The following TMEM131 variants were observed in gnomAD, a reference collection of about 807,000 sequenced individuals.
TMEM131 encodes transmembrane protein 131.
A neutral mutation model predicts 211.6 loss-of-function variants in TMEM131; 66 were observed. The observed-to-expected ratio is 0.31, with a 90% CI of 0.26 to 0.38. The LOEUF (loss-of-function observed/expected upper bound fraction) is 0.38, where lower values mean the gene tolerates loss of function less well. TMEM131 is among the 10% of genes least tolerant of loss of function. TMEM131 has a pLI of 1.00. For synonymous variants in TMEM131, 844 were observed against 841.3 expected (o/e 1.00, Z -0.06); for missense variants, 2,036 against 2,299.3 (o/e 0.89, Z 2.34).
At chr2:97,918,371 A>C (rs1209514461) in intron 2 of TMEM131, among the ~76,000 whole-genome samples, 1 of 152,228 alleles carries the variant, frequency 6.6e-6, no homozygotes, top group Non-Finnish European at 1.5e-5. Context: ...TCCAAGATTT[A>C]GAGCATCTTC....
chr2:97,800,154 C>A (rs562094921), intron 25 of TMEM131, among the ~76,000 whole-genome samples: 55 of 152,164 alleles, frequency 3.6e-4, no homozygotes, highest in Non-Finnish European at 6.3e-4. Flanking sequence ...AGAAACCTCT[C>A]TGGGGTCCTT....
At chr2:97,886,470 T>C (rs947913729) in intron 4 of TMEM131, among the ~76,000 whole-genome samples, 1 of 152,254 alleles carries the variant, frequency 6.6e-6, no homozygotes, top group South Asian at 2.1e-4. Context: ...GTGGGGTGCA[T>C]TGGCTTTGGT....
At chr2:97,990,004 T>C (rs187472032) in intron 1 of TMEM131, among the ~76,000 whole-genome samples, 3 of 152,334 alleles carry the variant, frequency 2.0e-5, no homozygotes, top group Non-Finnish European at 2.9e-5. Flanking sequence ...CTACCAGCCC[T>C]TGCATTATCT....
chr2:97,885,413 C>A (rs1463247146), intron 4 of TMEM131, among the ~76,000 whole-genome samples: 4 of 115,752 alleles, frequency 3.5e-5, no homozygotes, highest in Non-Finnish European at 7.3e-5. Flanking sequence ...CCAGGATGGT[C>A]TTGATCTCCT....
intron 5 of TMEM131, 118 bp downstream of exon 5, chr2:97,859,186 T>C (rs1471514057): frequency 3.5e-6 from 4 of 1,127,468 alleles, no homozygotes; most frequent in Middle Eastern, 2.7e-4. Flanking sequence ...GAAACAAATC[T>C]AGGAACAGAT....
At chr2:97,879,087 G>A (rs1674813027) in intron 4 of TMEM131, among the ~76,000 whole-genome samples, 1 of 152,202 alleles carries the variant, frequency 6.6e-6, no homozygotes, top group Admixed American at 6.5e-5. Flanking sequence ...CACCACCCTG[G>A]AAGCAGAGAG....
At chr2:97,861,204 A>G (rs1235542422) in intron 4 of TMEM131, among the ~76,000 whole-genome samples, 1 of 152,030 alleles carries the variant, frequency 6.6e-6, no homozygotes, top group African/African-American at 2.4e-5. Context: ...CTAGGCCACA[A>G]GCACCGCAAT....
chr2:97,760,644 G>C lies in TMEM131; in HGVS notation c.5057C>G (p.Ser1686Cys). 6.2e-7 allele frequency: 1 copy of C among 1,613,610 alleles called. No individual in the cohort carries two copies. The highest frequency in any genetic ancestry group is 8.5e-7 in the Non-Finnish European group (1 of 1,179,720). The change falls in exon 38 of 41, where the codon TCC becomes TGC. Residue 1686 changes from serine (S) to cysteine (C), a missense_variant. Ser to Cys is a moderately radical substitution (Grantham distance 112, BLOSUM62 -1). Around this residue, in one of 3 missense-constraint regions of TMEM131, gnomAD observed 1,623 missense variants for 1,805.9 expected, o/e 0.90. Coordinates refer to ENST00000186436, the MANE Select transcript of TMEM131 (RefSeq NM_015348.2). ...AGCGTGTGAAATGCCAAGGCTGCTG[G>C]AGAAACCTGTTTTGTTTGAAGAAAC... ...AKVSSNKTGF[S>C]SSLGISHAPV...
At chr2:97,993,700 C>T (rs1680360049) in intron 1 of TMEM131, among the ~76,000 whole-genome samples, 1 of 152,182 alleles carries the variant, frequency 6.6e-6, no homozygotes, top group Admixed American at 6.5e-5. Context: ...AACACCCTGG[C>T]AAGTATTCTC....
intron 27 of TMEM131, 23 bp from the exon 28 acceptor site, chr2:97,796,427 T>C (rs1006978021): frequency 1.3e-5 from 19 of 1,421,172 alleles, no homozygotes; most frequent in Non-Finnish European, 1.7e-5. Context: ...AAATCAGGAA[T>C]AAGACTAAAT....
At chr2:97,841,681 T>G in intron 7 of TMEM131, 134 bp downstream of exon 7, 1 of 1,016,172 alleles carries the variant, frequency 9.8e-7, no homozygotes, top group East Asian at 3.0e-5. Flanking sequence ...GTACTAAAAG[T>G]AATACCCCTC....
intron 4 of TMEM131, among the ~76,000 whole-genome samples, chr2:97,862,893 A>C (rs1358776624): frequency 6.6e-6 from 1 of 152,206 alleles, no homozygotes; most frequent in Non-Finnish European, 1.5e-5. Context: ...TGGTCATAGA[A>C]CACCAAGCAG....
chr2:97,808,713 G>A (rs2104951114), intron 19 of TMEM131, among the ~76,000 whole-genome samples: 1 of 152,262 alleles, frequency 6.6e-6, no homozygotes, highest in East Asian at 1.9e-4. Context: ...ACTCTCACTG[G>A]GGAGGCCAAC....
At chr2:97,797,579 C>T in intron 25 of TMEM131, 63 bp from the exon 26 acceptor site, 1 of 1,416,656 alleles carries the variant, frequency 7.1e-7, no homozygotes. Flanking sequence ...TGTTTCTTCG[C>T]TTACACCCCA....
chr2:97,938,370 G>A (rs1677548572), intron 1 of TMEM131, among the ~76,000 whole-genome samples: 2 of 152,112 alleles, frequency 1.3e-5, no homozygotes. Context: ...AAAAGCAGGG[G>A]TTGCAATCCT....
chr2:97,982,463 G>A (rs1419958134), intron 1 of TMEM131, among the ~76,000 whole-genome samples: 3 of 151,648 alleles, frequency 2.0e-5, no homozygotes, highest in African/African-American at 7.3e-5. Context: ...CATTCTGTGG[G>A]TTTTCTGCTT....
At chr2:97,966,007 C>CA (rs1301184076) in intron 1 of TMEM131, among the ~76,000 whole-genome samples, 3 of 151,078 alleles carry the variant, frequency 2.0e-5, no homozygotes, top group Admixed American at 2.0e-4. Flanking sequence ...AGCCTAGAAA[C>CA]AAAAAAATTG....
intron 11 of TMEM131, among the ~76,000 whole-genome samples, chr2:97,824,253 G>A (rs748993608): frequency 1.3e-5 from 2 of 152,236 alleles, no homozygotes; most frequent in African/African-American, 2.4e-5. Context: ...CCCCCAACCA[G>A]ATAATCCAAC....
intron 35 of TMEM131, 164 bp from the exon 36 acceptor site, chr2:97,762,364 G>A: frequency 7.6e-6 from 5 of 659,172 alleles, no homozygotes; most frequent in Non-Finnish European, 1.2e-5. Context: ...TAAAGAGAAA[G>A]CAGCCACATC....
Sources: allele counts gnomAD v4.1 joint callset (sites outside exome capture counted in the v4.1 genomes callset), GRCh38; gene constraint gnomAD v4.1.1; regional missense constraint gnomAD v4.1.1; transcripts MANE v1.5; gene names NCBI Gene and HGNC (gene_info 2026-07-23, HGNC 2026-07-21).